The following ATE1 variants were observed in gnomAD, a reference collection of about 807,000 sequenced individuals.
ATE1 encodes the protein arginyl-tRNA--protein transferase 1.
In ATE1, 36 loss-of-function variants were observed where a neutral mutation model predicts 70.5. The observed-to-expected ratio is 0.51, with a 90% CI of 0.39 to 0.67. ATE1 has a LOEUF of 0.67. Ranked by LOEUF, ATE1 falls within the 30% of genes least tolerant of loss-of-function variation. ATE1 has a pLI of 0.00. For missense variants in ATE1, 593 were observed against 629.5 expected (o/e 0.94, Z 0.62); for synonymous variants, 232 against 219.3 (o/e 1.06, Z -0.51).
intron 8 of ATE1, among the ~76,000 whole-genome samples, chr10:121,847,219 T>A (rs1948860315): frequency 6.6e-6 from 1 of 151,808 alleles, no homozygotes; most frequent in African/African-American, 2.4e-5. Flanking sequence ...GAGGCCGAGG[T>A]GGGTGGATCA....
intron 3 of ATE1, among the ~76,000 whole-genome samples, chr10:121,918,607 A>G (rs1438274183): frequency 6.6e-6 from 1 of 152,200 alleles, no homozygotes; most frequent in East Asian, 1.9e-4. Flanking sequence ...AATCCTGTCC[A>G]TAATCCAATA....
At chr10:121,911,622 G>C in intron 4 of ATE1, among the ~76,000 whole-genome samples, 1 of 152,086 alleles carries the variant, frequency 6.6e-6, no homozygotes, top group Non-Finnish European at 1.5e-5. Context: ...CCCCACAATG[G>C]CTGGATTAGT....
chr10:121,878,627 C>T (rs1950134849), intron 7 of ATE1, among the ~76,000 whole-genome samples: 1 of 150,550 alleles, frequency 6.6e-6, no homozygotes, highest in Non-Finnish European at 1.5e-5. Context: ...AAAAAATCAA[C>T]AAGCTATACA....
chr10:121,912,287 C>T (rs897107763), intron 4 of ATE1, among the ~76,000 whole-genome samples: 3 of 152,114 alleles, frequency 2.0e-5, no homozygotes, highest in African/African-American at 7.2e-5. Context: ...TACATCACTC[C>T]TAGTTCCAGG....
intron 10 of ATE1, among the ~76,000 whole-genome samples, chr10:121,791,962 A>G (rs375792544): frequency 6.6e-6 from 1 of 152,356 alleles, no homozygotes; most frequent in East Asian, 1.9e-4. Context: ...GAGTCACCAT[A>G]TGAAGCATAG....
intron 5 of ATE1, among the ~76,000 whole-genome samples, chr10:121,904,427 G>C (rs1951107776): frequency 6.6e-6 from 1 of 151,356 alleles, no homozygotes; most frequent in Non-Finnish European, 1.5e-5. Flanking sequence ...AGATCACGAG[G>C]TCAGGAGATT....
intron 8 of ATE1, among the ~76,000 whole-genome samples, chr10:121,848,681 C>T (rs1305918700): frequency 6.7e-6 from 1 of 149,760 alleles, no homozygotes; most frequent in Non-Finnish European, 1.5e-5. Flanking sequence ...GAGTCCAAGG[C>T]GGGCGGATCA....
intron 11 of ATE1, among the ~76,000 whole-genome samples, chr10:121,783,052 A>G (rs1285736890): frequency 6.6e-6 from 1 of 152,200 alleles, no homozygotes; most frequent in African/African-American, 2.4e-5. Context: ...GAACCCTAAT[A>G]CAGTAGTAAA....
chr10:121,746,902 A>G (rs1354213776), intron 11 of ATE1, among the ~76,000 whole-genome samples: 1 of 152,214 alleles, frequency 6.6e-6, no homozygotes, highest in Admixed American at 6.5e-5. Flanking sequence ...GAGTGTTCCT[A>G]CTATATGAAT....
intron 7 of ATE1, among the ~76,000 whole-genome samples, chr10:121,881,284 G>A (rs115141909): frequency 1.1e-4 from 17 of 152,084 alleles, no homozygotes; most frequent in East Asian, 5.8e-4. Flanking sequence ...TGGGCATTGT[G>A]TATTTCTTCA....
chr10:121,844,041 T>A (rs79960024), intron 8 of ATE1, among the ~76,000 whole-genome samples: 1 of 152,164 alleles, frequency 6.6e-6, no homozygotes, highest in Admixed American at 6.5e-5. Context: ...TGATAAAGAA[T>A]TGGTATCCAA....
chr10:121,778,994 C>T (rs1188314506), intron 11 of ATE1, among the ~76,000 whole-genome samples: 1 of 152,100 alleles, frequency 6.6e-6, no homozygotes, highest in Non-Finnish European at 1.5e-5. Flanking sequence ...ACATTAGCTT[C>T]CCAATACCAT....
intron 8 of ATE1, among the ~76,000 whole-genome samples, chr10:121,842,428 C>T (rs1394544013): frequency 1.3e-5 from 2 of 151,714 alleles, no homozygotes; most frequent in African/African-American, 4.8e-5. Context: ...CATTTTCACA[C>T]AGCTAAAATC....
rs1229840272 is a variant in ATE1 at position 121,748,252 on chromosome 10, CTAAAA to C, written c.1379-4399_1379-4395del. Among the ~76,000 whole-genome samples, 3 of 152,162 alleles carry C rather than the reference CTAAAA, an allele frequency of 2.0e-5. No homozygotes were observed. In the East Asian group the frequency reaches 5.8e-4, roughly 29 times the overall value. On this transcript the variant is annotated intron_variant, in intron 11 of 11. Transcript: ENST00000224652. ...TGTGAGATCTGATATGTCATTTTAT[CTAAAA>C]TAAAATGTCATCCTTTAATTTTTAC...
At chr10:121,921,312 T>G (rs74399665) in intron 3 of ATE1, among the ~76,000 whole-genome samples, 2,145 of 151,524 alleles carry the variant, frequency 0.014, 13 homozygotes, top group Non-Finnish European at 0.021. Flanking sequence ...TATAAGTGAG[T>G]GAGGTGGGAA....
chr10:121,927,922 T>C lies in ATE1; in HGVS notation c.28A>G (p.Ser10Gly). Residue 10 changes from serine to glycine, a missense_variant, in exon 1 of 12, where the codon AGC (serine) becomes GGC (glycine). By Grantham distance (56) the Ser-to-Gly change is moderately conservative. Coordinates refer to ENST00000224652, the MANE Select transcript of ATE1 (RefSeq NM_001001976.3). MAFWAGGSP[S>G]VVDYFPSEDF... ...TCGCTAGGGAAATAGTCCACGACGC[T>C]GGGCGAACCCCCCGCCCAGAAAGCC... 6.3e-7 allele frequency: 1 copy of C among 1,581,330 alleles called. No homozygotes were observed. Among genetic ancestry groups the C allele is most frequent in the Non-Finnish European group, 8.6e-7 (1 of 1,166,936 alleles).
intron 11 of ATE1, among the ~76,000 whole-genome samples, chr10:121,782,231 T>C (rs888642847): frequency 6.6e-6 from 1 of 152,238 alleles, no homozygotes; most frequent in South Asian, 2.1e-4. Context: ...GTTTCCAAAA[T>C]ACAGCATCAA....
At chr10:121,879,932 C>T (rs1950177041) in intron 7 of ATE1, among the ~76,000 whole-genome samples, 1 of 152,274 alleles carries the variant, frequency 6.6e-6, no homozygotes, top group Non-Finnish European at 1.5e-5. Flanking sequence ...CTAGGTATCA[C>T]TGAAATTACA....
chr10:121,807,372 C>A (rs1382443261), intron 10 of ATE1, among the ~76,000 whole-genome samples: 1 of 152,248 alleles, frequency 6.6e-6, no homozygotes, highest in South Asian at 2.1e-4. Flanking sequence ...GTTTGTAAAT[C>A]ACATGGAAGA....
Sources: gnomAD v4.1 joint callset for allele counts (sites outside exome capture counted in the v4.1 genomes callset) on GRCh38, gnomAD v4.1.1 for gene constraint, MANE v1.5 for transcripts, NCBI Gene and HGNC (gene_info 2026-07-23, HGNC 2026-07-21) for gene names.